PHF21A: variants seen among roughly 807,000 people sequenced by gnomAD.
PHF21A encodes BHC80a.
Under a neutral mutation model 82.5 loss-of-function variants are expected in PHF21A, and 11 were observed. The ratio of observed to expected loss-of-function variants is 0.13; its 90% CI spans 0.08 to 0.22. The LOEUF is 0.22. Ranked by LOEUF, PHF21A falls within the 10% of genes least tolerant of loss-of-function variation. PHF21A has a pLI of 1.00. For synonymous variants in PHF21A, 297 were observed against 302.8 expected (o/e 0.98, Z 0.20); for missense variants, 579 against 837.8 (o/e 0.69, Z 3.81).
intron 9 of PHF21A, among the ~76,000 whole-genome samples, chr11:45,967,683 G>C (rs1304806472): frequency 2.0e-5 from 3 of 152,218 alleles, no homozygotes; most frequent in Non-Finnish European, 4.4e-5. Flanking sequence ...TTGCTCACAA[G>C]CTGTGGTTTC....
chr11:46,014,655 T>C (rs2095477814), intron 6 of PHF21A, among the ~76,000 whole-genome samples: 5 of 152,238 alleles, frequency 3.3e-5, no homozygotes, highest in Admixed American at 3.3e-4. Flanking sequence ...CCATAGCCTC[T>C]CCAACATCTG....
At chr11:46,088,276 C>A (rs924606613) in intron 3 of PHF21A, among the ~76,000 whole-genome samples, 2 of 152,194 alleles carry the variant, frequency 1.3e-5, no homozygotes, top group African/African-American at 2.4e-5. Flanking sequence ...TAATGAGTGA[C>A]TCTCACCATC....
chr11:45,934,736 A>T, intron 18 of PHF21A: 1 of 326,986 alleles, frequency 3.1e-6, no homozygotes, highest in Non-Finnish European at 6.0e-6. Flanking sequence ...AGCATTTAGG[A>T]GGATCGAAGC....
intron 6 of PHF21A, among the ~76,000 whole-genome samples, chr11:46,017,736 TCTTGATAAATATGTAGA>T (rs903261450): frequency 6.6e-6 from 1 of 152,188 alleles, no homozygotes; most frequent in Admixed American, 6.5e-5. Flanking sequence ...TAAAAACTGT[TCTTGATAAATATGTAGA>T]CTGATAGGAA....
chr11:46,022,881 G>T (rs1246233187), intron 6 of PHF21A, among the ~76,000 whole-genome samples: 1 of 152,064 alleles, frequency 6.6e-6, no homozygotes, highest in Non-Finnish European at 1.5e-5. Context: ...CTCCTGAGTA[G>T]CTGGGATTAC....
chr11:45,940,487 C>T (rs2090142165), intron 15 of PHF21A, among the ~76,000 whole-genome samples: 1 of 152,286 alleles, frequency 6.6e-6, no homozygotes, highest in East Asian at 1.9e-4. Flanking sequence ...AGCCACTGCG[C>T]CTGGCAGATT....
intron 10 of PHF21A, among the ~76,000 whole-genome samples, chr11:45,958,449 T>TATATATATACAC (rs780397923): frequency 4.6e-4 from 7 of 15,076 alleles, no homozygotes; most frequent in Admixed American, 1.5e-3. Context: ...TATATATATA[T>TATATATATACAC]ACACACACAC....
At chr11:45,955,740 G>T (rs1301147678) in intron 10 of PHF21A, among the ~76,000 whole-genome samples, 1 of 152,200 alleles carries the variant, frequency 6.6e-6, no homozygotes, top group East Asian at 1.9e-4. Context: ...GTGGTGGAGG[G>T]TGTCTTTCCT....
rs1345810347 is a variant in PHF21A, at chr11:46,014,986, A to T, written c.154-35020T>A. On this transcript the variant is annotated intron_variant, in intron 6 of 18. Transcript: ENST00000676320. Reference sequence around the variant, plus strand: ...CAGAGCGAGACTCCGTCTCAAAAAAAAAAAAAAATAAAAATAAAAAAATAA... The same window carrying T: ...CAGAGCGAGACTCCGTCTCAAAAAATAAAAAAAATAAAAATAAAAAAATAA... Among the ~76,000 whole-genome samples the T allele has an allele frequency of 8.6e-5, 4 of 46,570 alleles. 1 individual carries two copies. Among genetic ancestry groups the T allele is most frequent in the Non-Finnish European group, 1.0e-4 (3 of 29,584 alleles). 30.6% of individuals were successfully genotyped at this position (46,570 alleles called of 152,430 possible). A position where few individuals can be genotyped will look rare whatever the true frequency, so the allele number is the denominator to read the frequency against.
intron 6 of PHF21A, among the ~76,000 whole-genome samples, chr11:45,999,937 C>G (rs751748943): frequency 6.6e-6 from 1 of 152,202 alleles, no homozygotes; most frequent in African/African-American, 2.4e-5. Flanking sequence ...AAGAGAAAGT[C>G]GCAATATTCT....
In PHF21A at chr11:45,973,525, A is replaced by T. The variant is rs138071819; in HGVS notation, c.361-2158T>A. 2.6e-5 allele frequency among the ~76,000 whole-genome samples: 4 copies of T among 152,320 alleles called. No individual in the cohort carries two copies. In the East Asian group the frequency reaches 5.8e-4, roughly 22 times the overall value. ...TATTCTCTTTGCCATTGCCTCCTTA[A>T]ATGTGAAATGAGAGTAAACGCGGAA... On this transcript the variant is annotated intron_variant, in intron 7 of 18. Coordinates refer to ENST00000676320, the MANE Select transcript of PHF21A (RefSeq NM_001352027.3).
intron 9 of PHF21A, 40 bp from the exon 10 acceptor site, chr11:45,965,648 C>T: frequency 6.9e-7 from 1 of 1,454,328 alleles, no homozygotes; most frequent in South Asian, 1.4e-5. Flanking sequence ...ATTACTTAAG[C>T]TGCTCAAGTC....
chr11:45,935,597 A>G (rs2088751498), intron 18 of PHF21A, 39 bp downstream of exon 18: 1 of 970,646 alleles, frequency 1.0e-6, no homozygotes, highest in South Asian at 1.3e-5. Flanking sequence ...AGGTCTCTGC[A>G]CCTATGTATC....
chr11:46,038,126 CTCT>C (rs2096054374), intron 6 of PHF21A, among the ~76,000 whole-genome samples: 2 of 151,534 alleles, frequency 1.3e-5, no homozygotes, highest in African/African-American at 2.4e-5. Context: ...CTCTCTCTCT[CTCT>C]TTTTTTTTTT....
chr11:45,988,209 A>G (rs917588449), intron 6 of PHF21A, among the ~76,000 whole-genome samples: 5 of 152,234 alleles, frequency 3.3e-5, no homozygotes, highest in Admixed American at 2.0e-4. Flanking sequence ...CAGATGCTAG[A>G]AGAGGTAAAT....
intron 6 of PHF21A, among the ~76,000 whole-genome samples, chr11:46,063,240 A>G (rs1404618411): frequency 6.6e-6 from 1 of 152,148 alleles, no homozygotes; most frequent in African/African-American, 2.4e-5. Context: ...TACACCATAT[A>G]CCCTGTTTTC....
chr11:46,111,829 T>C (rs940982549), intron 1 of PHF21A, among the ~76,000 whole-genome samples: 18 of 152,196 alleles, frequency 1.2e-4, no homozygotes, highest in African/African-American at 4.1e-4. Context: ...AACTACACTT[T>C]CTTTCTGGGG....
At chr11:46,009,131 T>C (rs1038413913) in intron 6 of PHF21A, among the ~76,000 whole-genome samples, 1 of 151,932 alleles carries the variant, frequency 6.6e-6, no homozygotes, top group African/African-American at 2.4e-5. Context: ...TGCATCACCA[T>C]GCCCAGCTAA....
chr11:46,016,465 A>G (rs139141045), intron 6 of PHF21A, among the ~76,000 whole-genome samples: 5 of 152,170 alleles, frequency 3.3e-5, no homozygotes, highest in Admixed American at 1.3e-4. Flanking sequence ...CTTTGCTTAA[A>G]TTATTCCCTC....
Sources: allele counts gnomAD v4.1 joint callset (sites outside exome capture counted in the v4.1 genomes callset), GRCh38; gene constraint gnomAD v4.1.1; transcripts MANE v1.5; gene names NCBI Gene and HGNC (gene_info 2026-07-23, HGNC 2026-07-21).